Variants in ELAVL3 observed in about 807,000 individuals in gnomAD.
The protein encoded by ELAVL3 is ELAV-like protein 3.
ELAVL3 carries 8 observed loss-of-function variants against 34.2 expected under a neutral mutation model. The observed-to-expected ratio is 0.23, with a 90% confidence interval of 0.14 to 0.42. The LOEUF (loss-of-function observed/expected upper bound fraction) is 0.42, where lower values mean the gene tolerates loss of function less well. Ranked by LOEUF, ELAVL3 falls within the 10% of genes least tolerant of loss-of-function variation. The pLI, the probability that ELAVL3 is intolerant of heterozygous loss-of-function variation, is 1.00. For missense variants in ELAVL3, 273 were observed against 518.8 expected (o/e 0.53, Z 4.60); for synonymous variants, 209 against 222.1 (o/e 0.94, Z 0.53).
At chr19:11,479,485 G>A (rs1035074193) in intron 1 of ELAVL3, among the ~76,000 whole-genome samples, 1 of 152,242 alleles carries the variant, frequency 6.6e-6, no homozygotes, top group Admixed American at 6.5e-5. Flanking sequence ...CCCAGGCGCC[G>A]GGACCAGACA....
intron 3 of ELAVL3, among the ~76,000 whole-genome samples, chr19:11,464,133 C>G (rs867936527): frequency 2.1e-4 from 21 of 100,334 alleles, no homozygotes; most frequent in South Asian, 6.2e-4. Flanking sequence ...GTCTCTCTCT[C>G]TCTCTCTCTC....
At chr19:11,477,441 A>G (rs1318072988) in intron 1 of ELAVL3, among the ~76,000 whole-genome samples, 1 of 151,880 alleles carries the variant, frequency 6.6e-6, no homozygotes, top group African/African-American at 2.4e-5. Context: ...CAGCCGGCTA[A>G]TTTTTCTCTT....
In ELAVL3 at chr19:11,480,669, A is replaced by G; in HGVS notation, c.-61T>C. ...GGGGCTCCGGGGGTGGTGCACTCCTAGGGGGGCGCCCGATGCTCACGCTGG... is the reference window on the plus strand; with the variant it reads ...GGGGCTCCGGGGGTGGTGCACTCCTGGGGGGGCGCCCGATGCTCACGCTGG... On this transcript the variant is annotated 5_prime_UTR_variant, in exon 1 of 7. Coordinates refer to ENST00000359227, the MANE Select transcript of ELAVL3 (RefSeq NM_001420.4). This position sits in a 1 kb window ranked among gnomAD's most constrained non-coding sequence, Gnocchi z 6.8. 1 of 1,354,670 alleles carries G rather than the reference A, an allele frequency of 7.4e-7. No individual in the cohort carries two copies. The highest frequency in any genetic ancestry group is 9.6e-7 in the Non-Finnish European group (1 of 1,040,820). 83.9% of individuals were successfully genotyped at this position (1,354,670 alleles called of 1,614,324 possible). A position where few individuals can be genotyped will look rare whatever the true frequency, so the allele number is the denominator to read the frequency against.
intron 1 of ELAVL3, among the ~76,000 whole-genome samples, chr19:11,467,930 T>C (rs915941944): frequency 6.6e-6 from 1 of 152,034 alleles, no homozygotes; most frequent in Non-Finnish European, 1.5e-5. Context: ...GCTGGAACAA[T>C]AGGCGCATGC....
At chr19:11,472,133 G>C (rs1971176022) in intron 1 of ELAVL3, among the ~76,000 whole-genome samples, 1 of 152,214 alleles carries the variant, frequency 6.6e-6, no homozygotes, top group Non-Finnish European at 1.5e-5. Flanking sequence ...TGGATCATCT[G>C]AGGTCAGGAG....
intron 1 of ELAVL3, among the ~76,000 whole-genome samples, chr19:11,471,643 G>T (rs999535789): frequency 6.7e-6 from 1 of 148,862 alleles, no homozygotes; most frequent in African/African-American, 2.6e-5. Flanking sequence ...TTGTAGAGAT[G>T]GGGTGTCACT....
intron 6 of ELAVL3, among the ~76,000 whole-genome samples, chr19:11,455,872 C>G (rs1970757978): frequency 6.6e-6 from 1 of 152,228 alleles, no homozygotes; most frequent in African/African-American, 2.4e-5. Flanking sequence ...TGGCTCCACT[C>G]ACATTCCTCA....
At chr19:11,459,601 C>G (rs967618628) in intron 3 of ELAVL3, among the ~76,000 whole-genome samples, 2 of 146,634 alleles carry the variant, frequency 1.4e-5, no homozygotes, top group African/African-American at 5.3e-5. Context: ...TTTGTAGAAA[C>G]AGGATCTCAC....
At chr19:11,456,393 C>T (rs1430369846) in intron 6 of ELAVL3, among the ~76,000 whole-genome samples, 2 of 152,162 alleles carry the variant, frequency 1.3e-5, no homozygotes, top group Admixed American at 1.3e-4. Context: ...CGTGAGCCAC[C>T]GCGCCCGGCC....
At position 11,480,495 on chromosome 19, in the gene ELAVL3, C is replaced by A; in HGVS notation, c.9+105G>T. On this transcript the variant is annotated intron_variant, in intron 1 of 6. Coordinates refer to ENST00000359227, the MANE Select transcript of ELAVL3 (RefSeq NM_001420.4). The surrounding 1 kb of genome is among the most constrained non-coding windows in gnomAD (Gnocchi z 6.8). The stretch of plus-strand genomic sequence containing the variant: ...TCCTACCCCCCCAACCCGGGCCTAG[C>A]TAGGCCTGGTCCTACCCCCCCCGCC... The A allele has an allele frequency of 8.7e-7, 1 of 1,153,502 alleles. No homozygotes were observed. The allele number at this position is 1,153,502 out of a possible 1,614,324, so 71.5% of individuals were successfully genotyped here.
At chr19:11,479,140 C>A (rs769093668) in intron 1 of ELAVL3, among the ~76,000 whole-genome samples, 1 of 152,108 alleles carries the variant, frequency 6.6e-6, no homozygotes, top group African/African-American at 2.4e-5. Flanking sequence ...GATCAGAGGA[C>A]GCTTAGGAGA....
At chr19:11,462,797 A>T (rs9710289) in intron 3 of ELAVL3, among the ~76,000 whole-genome samples, 4,549 of 148,962 alleles carry the variant, frequency 0.031, 137 homozygotes, top group African/African-American at 0.085. Context: ...CGTCTCTACT[A>T]AAAAAAATAC....
Position 11,480,509 on chromosome 19 carries a change from A to G in ELAVL3, c.9+91T>C. 3 of 1,135,960 alleles carry G rather than the reference A, an allele frequency of 2.6e-6. No homozygotes were observed. Among genetic ancestry groups the G allele is most frequent in the Non-Finnish European group, 3.4e-6 (3 of 871,258 alleles). The allele number at this position is 1,135,960 out of a possible 1,614,324, so 70.4% of individuals were successfully genotyped here. ...CCCGGGCCTAGCTAGGCCTGGTCCTACCCCCCCCGCCGCACCCGCCCAATC... is the reference window on the plus strand; with the variant it reads ...CCCGGGCCTAGCTAGGCCTGGTCCTGCCCCCCCCGCCGCACCCGCCCAATC... On this transcript the variant is annotated intron_variant, in intron 1 of 6. Transcript: ENST00000359227. The surrounding 1 kb of genome is among the most constrained non-coding windows in gnomAD (Gnocchi z 6.8).
chr19:11,480,474 A>T lies in ELAVL3; in HGVS notation c.9+126T>A. 41 of 752,274 alleles carry T rather than the reference A, an allele frequency of 5.5e-5. No homozygotes were observed. Among genetic ancestry groups the T allele is most frequent in the Non-Finnish European group, 7.4e-5 (39 of 524,982 alleles). 46.6% of individuals were successfully genotyped at this position (752,274 alleles called of 1,614,324 possible). A position where few individuals can be genotyped will look rare whatever the true frequency, so the allele number is the denominator to read the frequency against. Reference sequence around the variant, plus strand: ...CTCTCAGGCCCCGAGGCTTGGTCCTACCCCCCCAACCCGGGCCTAGCTAGG... The same window carrying T: ...CTCTCAGGCCCCGAGGCTTGGTCCTTCCCCCCCAACCCGGGCCTAGCTAGG... On this transcript the variant is annotated intron_variant, in intron 1 of 6. Coordinates refer to ENST00000359227, the MANE Select transcript of ELAVL3 (RefSeq NM_001420.4). This position sits in a 1 kb window ranked among gnomAD's most constrained non-coding sequence, Gnocchi z 6.8.
Position 11,454,909 on chromosome 19 carries a change from A to AC in ELAVL3, c.753-33dup, listed in dbSNP as rs749344818. 5.1e-5 allele frequency: 80 copies of AC among 1,560,302 alleles called. No homozygotes were observed. Among genetic ancestry groups the AC allele is most frequent in the African/African-American group, 9.5e-5 (7 of 73,522 alleles). ...TGGGGGTCACGCGGGCTCTGCCCTG[A>AC]CCCCCCGCATGCTTCTGACCCCGTT... On this transcript the variant is annotated intron_variant, in intron 6 of 6. Transcript: ENST00000359227. This position sits in a 1 kb window ranked among gnomAD's most constrained non-coding sequence, Gnocchi z 9.2.
chr19:11,478,998 C>T (rs1971315720), intron 1 of ELAVL3, among the ~76,000 whole-genome samples: 2 of 152,184 alleles, frequency 1.3e-5, no homozygotes, highest in Non-Finnish European at 2.9e-5. Flanking sequence ...TTCCTCCCAG[C>T]CTGTCCCCAT....
intron 5 of ELAVL3, 39 bp from the exon 6 acceptor site, chr19:11,457,187 T>C (rs750403707): frequency 6.5e-7 from 1 of 1,541,124 alleles, no homozygotes; most frequent in Admixed American, 2.0e-5. Flanking sequence ...TGGCTTCCAG[T>C]CACGCCCCCC....
chr19:11,476,131 A>G (rs1324644868), intron 1 of ELAVL3, among the ~76,000 whole-genome samples: 1 of 152,242 alleles, frequency 6.6e-6, no homozygotes, highest in East Asian at 1.9e-4. Flanking sequence ...CCTAACATTA[A>G]TACTTAACTG....
In ELAVL3 at chr19:11,462,732, G is replaced by A. The variant is rs558438138; in HGVS notation, c.333+3440C>T. On this transcript the variant is annotated intron_variant, in intron 3 of 6. Coordinates refer to ENST00000359227, the MANE Select transcript of ELAVL3 (RefSeq NM_001420.4). ...CAGCACTTTGGGAGGCTTGAGGGGG[G>A]TGGATGATCTGAGGTTGGGAGTTCG... Among the ~76,000 whole-genome samples, 57 of 151,970 alleles carry A rather than the reference G, an allele frequency of 3.8e-4. No homozygotes were observed. In the East Asian group the frequency reaches 8.3e-3, roughly 22 times the overall value.
Sources: gnomAD v4.1 joint callset for allele counts (sites outside exome capture counted in the v4.1 genomes callset) on GRCh38, gnomAD v4.1.1 for gene constraint, Gnocchi (gnomAD v3.1) non-coding constraint, MANE v1.5 for transcripts, NCBI Gene and HGNC (gene_info 2026-07-23, HGNC 2026-07-21) for gene names.